The following DSTYK variants were observed in gnomAD, a reference collection of about 807,000 sequenced individuals.
DSTYK encodes the protein dual serine/threonine and tyrosine protein kinase.
In DSTYK, 34 loss-of-function variants were observed where a neutral mutation model predicts 98.7. The observed-to-expected ratio is 0.34, with a 90% CI of 0.26 to 0.46. The LOEUF is 0.46. Ranked by LOEUF, DSTYK falls within the 20% of genes least tolerant of loss-of-function variation. DSTYK has a pLI of 1.00. For missense variants in DSTYK, 962 were observed against 1,181.7 expected (o/e 0.81, Z 2.73); for synonymous variants, 462 against 457.3 (o/e 1.01, Z -0.13).
At chr1:205,183,079 AGCACACAC>A (rs1558617353) in intron 2 of DSTYK, among the ~76,000 whole-genome samples, 2 of 122,230 alleles carry the variant, frequency 1.6e-5, no homozygotes, top group African/African-American at 6.2e-5. Flanking sequence ...AAAAAAAAAA[AGCACACAC>A]ACACACACAC....
chr1:205,171,686 A>C (rs958193582), intron 2 of DSTYK, among the ~76,000 whole-genome samples: 2 of 152,086 alleles, frequency 1.3e-5, no homozygotes, highest in African/African-American at 4.8e-5. Context: ...TAAACGGTTA[A>C]CTAGGGACTC....
chr1:205,209,525 G>GGCTTTTTAA (rs1188165776), intron 1 of DSTYK, among the ~76,000 whole-genome samples: 1 of 45,574 alleles, frequency 2.2e-5, no homozygotes, highest in Non-Finnish European at 1.0e-4. Flanking sequence ...ATAAAAATAA[G>GGCTTTTTAA]ATACTAAGAT....
In DSTYK at chr1:205,147,736, G is replaced by A; in HGVS notation, c.2612C>T (p.Pro871Leu). 1 of 1,613,450 alleles carries A rather than the reference G, an allele frequency of 6.2e-7. No individual in the cohort carries two copies. Among genetic ancestry groups the A allele is most frequent in the Non-Finnish European group, 8.5e-7 (1 of 1,179,520 alleles). ...CTCATCAAACACAGGAAGACGTTCTGGGCGAGCCCCTAGAGAAAGGAGCAT... is the reference window on the plus strand; with the variant it reads ...CTCATCAAACACAGGAAGACGTTCTAGGCGAGCCCCTAGAGAAAGGAGCAT... Reference protein sequence around the residue: ...LWNNVRRGARPERLPVFDEEC... With the variant: ...LWNNVRRGARLERLPVFDEEC... The change falls in exon 13 of 13, where the codon CCA (proline) becomes CTA (leucine). Residue 871 changes from proline to leucine, a missense_variant. Pro to Leu is a moderately conservative substitution (Grantham distance 98). This residue lies in a region of DSTYK where 69 missense variants were observed against 142.9 expected (regional missense o/e 0.48). Coordinates refer to ENST00000367162, the MANE Select transcript of DSTYK (RefSeq NM_015375.3).
chr1:205,203,746 ACT>A (rs1337336902), intron 1 of DSTYK, among the ~76,000 whole-genome samples: 1 of 151,390 alleles, frequency 6.6e-6, no homozygotes, highest in East Asian at 2.0e-4. Flanking sequence ...TGAAACCTTG[ACT>A]CTACTAAAAA....
At chr1:205,155,151 A>C (rs1467387516) in intron 10 of DSTYK, among the ~76,000 whole-genome samples, 1 of 151,382 alleles carries the variant, frequency 6.6e-6, no homozygotes, top group Admixed American at 6.6e-5. Context: ...CACCCAGCTA[A>C]TTTTTTATTT....
Position 205,198,402 on chromosome 1 carries a change from A to G in DSTYK, c.266-10596T>C, listed in dbSNP as rs1289414447. Among the ~76,000 whole-genome samples the G allele has an allele frequency of 3.3e-5, 5 of 152,220 alleles. No homozygotes were observed. In the South Asian group the frequency reaches 8.3e-4, roughly 25 times the overall value. The stretch of plus-strand genomic sequence containing the variant: ...TCTCTCCATGGGACAGAACCAGAAG[A>G]GCATGTCAGTTGTTCAATCAGGAGA... On this transcript the variant is annotated intron_variant, in intron 1 of 12. Transcript: ENST00000367162.
At chr1:205,165,294 T>C (rs907162448) in intron 3 of DSTYK, among the ~76,000 whole-genome samples, 6 of 152,148 alleles carry the variant, frequency 3.9e-5, no homozygotes, top group Non-Finnish European at 7.4e-5. Context: ...TTTCACCATG[T>C]TGGCCAGGCT....
chr1:205,161,266 A>G lies in DSTYK; in HGVS notation c.1940T>C (p.Leu647Ser). 6.2e-7 allele frequency: 1 copy of G among 1,614,078 alleles called. No individual in the cohort carries two copies. Among genetic ancestry groups the G allele is most frequent in the Non-Finnish European group, 8.5e-7 (1 of 1,179,946 alleles). Residue 647 changes from leucine (L) to serine (S), a missense_variant, in exon 7 of 13, where the codon TTG becomes TCG. Coordinates refer to ENST00000367162, the MANE Select transcript of DSTYK (RefSeq NM_015375.3). ...AAGAAAACCAGACTCACGATGAAGC[A>G]AGACATCCTGTAAAGAACAGCTTTC... ...SLESCSLQDV[L>S]LHRKPKLGQE... is the part of the protein sequence containing the mutation.
rs974076981 is a variant in DSTYK at position 205,144,677 on chromosome 1, T to C, written c.*2881A>G. On this transcript the variant is annotated 3_prime_UTR_variant, in exon 13 of 13. Transcript: ENST00000367162. ...TGGACTTTGGCTGGCCTAGAGACTT[T>C]CAAGAATATTTTGCACCTTTTCTCA... is the stretch of plus-strand genomic sequence containing the variant. 1 of 152,288 alleles carries C rather than the reference T, an allele frequency of 6.6e-6. No homozygotes were observed. The highest frequency in any genetic ancestry group is 1.5e-5 in the Non-Finnish European group (1 of 68,050). The allele number at this position is 152,288 out of a possible 1,614,324, so 9.4% of individuals were successfully genotyped here.
In DSTYK at chr1:205,211,383, G is replaced by T; in HGVS notation, c.153C>A (p.Phe51Leu). 1 of 1,612,482 alleles carries T rather than the reference G, an allele frequency of 6.2e-7. No homozygotes were observed. Reference sequence around the variant, plus strand: ...TGTGGGAGCACTTGATGTCGCGGAAGAACTTCTGGGTCTCGCGCAGGTTCT... The same window carrying T: ...TGTGGGAGCACTTGATGTCGCGGAATAACTTCTGGGTCTCGCGCAGGTTCT... ...LRQNLRETQK[F>L]FRDIKCSHNH... The change falls in exon 1 of 13, where the codon TTC (phenylalanine) becomes TTA (leucine). Residue 51 changes from phenylalanine to leucine, a missense_variant. By Grantham distance (22) the Phe-to-Leu change is conservative. Around this residue, in one of 4 missense-constraint regions of DSTYK, gnomAD observed 168 missense variants for 120.0 expected, o/e 1.40. Coordinates refer to ENST00000367162, the MANE Select transcript of DSTYK (RefSeq NM_015375.3).
At chr1:205,148,403 C>T (rs1657307884) in intron 11 of DSTYK, 64 bp from the exon 12 acceptor site, 2 of 1,598,976 alleles carry the variant, frequency 1.3e-6, no homozygotes, top group Non-Finnish European at 1.7e-6. Context: ...ATCTACACCA[C>T]CTTGCCTCAG....
In DSTYK at chr1:205,187,719, C is replaced by G; in HGVS notation, c.353G>C (p.Gly118Ala). ...VDCLPCILIL[G>A]QDCNVKCQLL... ...CTGGCACTTGACGTTACAATCCTGG[C>G]CGAGGATCAGTATGCAAGGGAGGCA... Residue 118 changes from glycine to alanine, a missense_variant, in exon 2 of 13, where the codon GGC becomes GCC. By Grantham distance (60) the Gly-to-Ala change is moderately conservative. Transcript: ENST00000367162. The G allele has an allele frequency of 6.2e-7, 1 of 1,614,182 alleles. No homozygotes were observed. The highest frequency in any genetic ancestry group is 8.5e-7 in the Non-Finnish European group (1 of 1,180,046).
chr1:205,171,177 C>T (rs12130817), intron 2 of DSTYK, among the ~76,000 whole-genome samples: 73,502 of 151,846 alleles, frequency 0.48, 21,029 homozygotes, highest in Non-Finnish European at 0.63. Context: ...TTAAGCTCGG[C>T]GCAGTGGCTC....
chr1:205,168,261 T>C (rs1156663667), intron 3 of DSTYK, among the ~76,000 whole-genome samples: 2 of 152,190 alleles, frequency 1.3e-5, no homozygotes, highest in African/African-American at 4.8e-5. Flanking sequence ...ATTAAGAATA[T>C]GGGCTCAGGA....
At position 205,174,096 on chromosome 1, in the gene DSTYK, A is replaced by G. The variant is rs879176076; in HGVS notation, c.655-4264T>C. On this transcript the variant is annotated intron_variant, in intron 2 of 12. Transcript: ENST00000367162. Reference sequence around the variant, plus strand: ...TCATTATTAAAGAAATGAATTTTGGAAGTCAGGCACAGTGGCTCATGCCTG... The same window carrying G: ...TCATTATTAAAGAAATGAATTTTGGGAGTCAGGCACAGTGGCTCATGCCTG... Among the ~76,000 whole-genome samples, 8 of 152,158 alleles carry G rather than the reference A, an allele frequency of 5.3e-5. No homozygotes were observed. The South Asian group carries it at 1.5e-3, about 28-fold the overall frequency.
chr1:205,147,816 C>G, intron 12 of DSTYK, 71 bp from the exon 13 acceptor site: 1 of 1,497,974 alleles, frequency 6.7e-7, no homozygotes, highest in African/African-American at 1.4e-5. Flanking sequence ...ATGACCAGCT[C>G]AAAGGCTGAC....
intron 3 of DSTYK, among the ~76,000 whole-genome samples, chr1:205,166,975 G>A (rs1245242449): frequency 6.6e-6 from 1 of 152,192 alleles, no homozygotes; most frequent in Non-Finnish European, 1.5e-5. Flanking sequence ...TCAACTCTAG[G>A]ATTTTAGGAA....
chr1:205,207,945 C>A (rs749410559), intron 1 of DSTYK, among the ~76,000 whole-genome samples: 8 of 151,818 alleles, frequency 5.3e-5, no homozygotes, highest in African/African-American at 1.9e-4. Context: ...GGCGTGATTT[C>A]GGCTCACCAC....
intron 10 of DSTYK, among the ~76,000 whole-genome samples, chr1:205,155,519 A>C (rs1329661343): frequency 6.6e-6 from 1 of 151,774 alleles, no homozygotes; most frequent in African/African-American, 2.4e-5. Context: ...AAATACAAAA[A>C]TTAGCCTGGC....
Sources: gnomAD v4.1 joint callset for allele counts (sites outside exome capture counted in the v4.1 genomes callset) on GRCh38, gnomAD v4.1.1 for gene constraint, gnomAD v4.1.1 regional missense constraint, MANE v1.5 for transcripts, NCBI Gene and HGNC (gene_info 2026-07-23, HGNC 2026-07-21) for gene names.